The following ZCCHC14 variants were observed in gnomAD, a reference collection of about 807,000 sequenced individuals.
The protein encoded by ZCCHC14 is zinc finger CCHC-type containing 14.
ZCCHC14 carries 16 observed loss-of-function variants against 85.0 expected under a neutral mutation model. The ratio of observed to expected loss-of-function variants is 0.19; its 90% CI spans 0.13 to 0.29. The LOEUF is 0.29. Ranked by LOEUF, ZCCHC14 falls within the 10% of genes least tolerant of loss-of-function variation. The pLI is 1.00. For missense variants in ZCCHC14, 1,303 were observed against 1,443.5 expected, an observed-to-expected ratio of 0.90 and a Z score of 1.58; for synonymous variants, 775 against 630.7, an observed-to-expected ratio of 1.23 and a Z score of -3.43.
chr16:87,415,181 C>T, intron 9 of ZCCHC14, 95 bp downstream of exon 9: 1 of 985,586 alleles, frequency 1.0e-6, no homozygotes, highest in Non-Finnish European at 1.6e-6. Flanking sequence ...GGAACTAATC[C>T]AATCACTAGT....
At chr16:87,482,040 G>A (rs905716466) in intron 1 of ZCCHC14, among the ~76,000 whole-genome samples, 5 of 152,254 alleles carry the variant, frequency 3.3e-5, no homozygotes, top group Admixed American at 3.3e-4. Flanking sequence ...CCGGTGACAA[G>A]GATATTACCT....
chr16:87,487,364 A>G (rs1303187376), intron 1 of ZCCHC14, among the ~76,000 whole-genome samples: 1 of 152,242 alleles, frequency 6.6e-6, no homozygotes, highest in African/African-American at 2.4e-5. Context: ...ATGCTGAAAC[A>G]CAAACGGCAG....
intron 12 of ZCCHC14, among the ~76,000 whole-genome samples, chr16:87,410,891 G>A (rs1350625955): frequency 6.6e-6 from 1 of 152,228 alleles, no homozygotes; most frequent in African/African-American, 2.4e-5. Context: ...GAGATCAAGT[G>A]ACTTTGGCAA....
At chr16:87,478,419 G>C (rs1345767383) in intron 1 of ZCCHC14, among the ~76,000 whole-genome samples, 2 of 152,158 alleles carry the variant, frequency 1.3e-5, no homozygotes, top group Non-Finnish European at 2.9e-5. Flanking sequence ...GGTTGGAACC[G>C]ACTGGAAAAT....
chr16:87,421,930 CA>C (rs377153971), intron 4 of ZCCHC14, among the ~76,000 whole-genome samples: 14 of 142,744 alleles, frequency 9.8e-5, no homozygotes, highest in South Asian at 2.3e-4. Context: ...CAAGACATAC[CA>C]AAAAAAAAAG....
chr16:87,461,647 G>C (rs543051671), intron 1 of ZCCHC14, among the ~76,000 whole-genome samples: 21 of 152,334 alleles, frequency 1.4e-4, no homozygotes, highest in African/African-American at 3.6e-4. Flanking sequence ...GCTCTGCAGA[G>C]GGCTGGCCAG....
rs1908851516 is a variant in ZCCHC14 at position 87,417,567 on chromosome 16, T to C, written c.1276A>G (p.Ser426Gly). Residue 426 changes from serine (S) to glycine (G), a missense_variant, in exon 8 of 13, where the codon AGT becomes GGT. By Grantham distance (56) the Ser-to-Gly change is moderately conservative. Coordinates refer to ENST00000671377, the MANE Select transcript of ZCCHC14 (RefSeq NM_015144.3). ...DTSPAILMPS[S>G]LQTPQTQEQN... ...TCCTGGGTCTGAGGGGTCTGCAGAC[T>C]GGAAGGCATGAGGATGGCAGGTGAT... 1 of 1,614,258 alleles carries C rather than the reference T, an allele frequency of 6.2e-7. No homozygotes were observed.
chr16:87,458,579 C>A (rs1424905659), intron 2 of ZCCHC14, among the ~76,000 whole-genome samples: 4 of 152,184 alleles, frequency 2.6e-5, no homozygotes, highest in Non-Finnish European at 5.9e-5. Flanking sequence ...GAAATGGGTC[C>A]TTCCTGAGTT....
chr16:87,423,618 C>T (rs1310435912), intron 4 of ZCCHC14, among the ~76,000 whole-genome samples, 192 bp downstream of exon 4: 4 of 152,216 alleles, frequency 2.6e-5, no homozygotes, highest in Non-Finnish European at 4.4e-5. Context: ...CGCGGGGTCA[C>T]GGACCTGTGC....
Position 87,491,233 on chromosome 16 carries a change from C to T in ZCCHC14, c.570+436G>A, listed in dbSNP as rs959775590. On this transcript the variant is annotated intron_variant, in intron 1 of 12. Transcript: ENST00000671377. This position sits in a 1 kb window ranked among gnomAD's most constrained non-coding sequence, Gnocchi z 5.9. Reference sequence around the variant, plus strand: ...CTCCCGCGGATCCTCGGACCCAGGGCCCCTGCAGCCGCTCCTGCCCAAGGG... The same window carrying T: ...CTCCCGCGGATCCTCGGACCCAGGGTCCCTGCAGCCGCTCCTGCCCAAGGG... Among the ~76,000 whole-genome samples the T allele has an allele frequency of 1.3e-5, 2 of 152,240 alleles. No homozygotes were observed. Among genetic ancestry groups the T allele is most frequent in the East Asian group, 1.9e-4 (1 of 5,188 alleles).
intron 1 of ZCCHC14, among the ~76,000 whole-genome samples, chr16:87,460,469 C>A (rs762757755): frequency 6.6e-6 from 1 of 152,156 alleles, no homozygotes; most frequent in Non-Finnish European, 1.5e-5. Flanking sequence ...GCAGGTGGAT[C>A]TCTTGAGCCC....
At chr16:87,436,235 G>A (rs576409044) in intron 2 of ZCCHC14, among the ~76,000 whole-genome samples, 33 of 152,376 alleles carry the variant, frequency 2.2e-4, no homozygotes, top group African/African-American at 7.7e-4. Context: ...TTATTCAGCT[G>A]TTTTCAAATA....
chr16:87,423,106 A>G (rs1458310092), intron 4 of ZCCHC14, among the ~76,000 whole-genome samples: 4 of 152,372 alleles, frequency 2.6e-5, no homozygotes, highest in Non-Finnish European at 4.4e-5. Context: ...TGACTGCCTG[A>G]GAGGCATCAC....
chr16:87,481,103 G>T (rs1045340621), intron 1 of ZCCHC14, among the ~76,000 whole-genome samples: 2 of 152,190 alleles, frequency 1.3e-5, no homozygotes, highest in African/African-American at 4.8e-5. Flanking sequence ...ACCAGAGGGG[G>T]TTATGGAGGC....
chr16:87,437,196 C>T lies in ZCCHC14; in HGVS notation c.695-3995G>A, dbSNP rs545036533. 2.3e-4 allele frequency among the ~76,000 whole-genome samples: 35 copies of T among 151,828 alleles called. No individual in the cohort carries two copies. The South Asian group carries it at 5.2e-3, about 23-fold the overall frequency. ...TAGTAAAAATACAAAATTAGCCGGG[C>T]GTGGTGGCTCATGCCTGTAATCACA... On this transcript the variant is annotated intron_variant, in intron 2 of 12. Coordinates refer to ENST00000671377, the MANE Select transcript of ZCCHC14 (RefSeq NM_015144.3).
At chr16:87,427,058 G>A (rs868149334) in intron 3 of ZCCHC14, among the ~76,000 whole-genome samples, 29 of 152,378 alleles carry the variant, frequency 1.9e-4, no homozygotes, top group Middle Eastern at 3.4e-3. Flanking sequence ...AGATGTGGGG[G>A]AAGGAGCAGC....
At chr16:87,417,356 C>T (rs1390627352) in intron 8 of ZCCHC14, 104 bp downstream of exon 8, 5 of 1,508,628 alleles carry the variant, frequency 3.3e-6, no homozygotes, top group East Asian at 2.3e-5. Flanking sequence ...CCTCGGCCTC[C>T]GTACTTCATC....
rs1348792141 is a variant in ZCCHC14 at position 87,492,778 on chromosome 16, G to A, written c.-540C>T. On this transcript the variant is annotated 5_prime_UTR_variant, in exon 1 of 13. Transcript: ENST00000671377. The surrounding 1 kb of genome is among the most constrained non-coding windows in gnomAD (Gnocchi z 6.7). ...CGCGGGCGCGGCGTCGCCGCCTGGG[G>A]AGCGCTGGGGGCCGCGGCCGCGAAA... The A allele has an allele frequency of 1.4e-5, 2 of 147,172 alleles. No homozygotes were observed. Among genetic ancestry groups the A allele is most frequent in the African/African-American group, 2.4e-5 (1 of 40,918 alleles). The allele number at this position is 147,172 out of a possible 1,614,324, so 9.1% of individuals were successfully genotyped here.
intron 2 of ZCCHC14, among the ~76,000 whole-genome samples, chr16:87,451,753 G>T (rs894825907): frequency 6.6e-6 from 1 of 152,196 alleles, no homozygotes; most frequent in African/African-American, 2.4e-5. Context: ...TCATTGGAGC[G>T]GAAGGGGAGC....
Sources: allele counts gnomAD v4.1 joint callset (sites outside exome capture counted in the v4.1 genomes callset), GRCh38; gene constraint gnomAD v4.1.1; non-coding constraint Gnocchi (gnomAD v3.1); transcripts MANE v1.5; gene names NCBI Gene and HGNC (gene_info 2026-07-23, HGNC 2026-07-21).